The following MAP1S variants were observed in gnomAD, a reference collection of about 807,000 sequenced individuals.
MAP1S encodes the protein microtubule-associated protein 1S.
Under a neutral mutation model 60.9 loss-of-function variants are expected in MAP1S, and 27 were observed. The ratio of observed to expected loss-of-function variants is 0.44; its 90% CI spans 0.33 to 0.61. The LOEUF (loss-of-function observed/expected upper bound fraction) is 0.61. Ranked by LOEUF, MAP1S falls within the 20% of genes least tolerant of loss-of-function variation. The pLI, the probability that MAP1S is intolerant of heterozygous loss-of-function variation, is 0.03. For missense variants in MAP1S, 1,608 were observed against 1,486.6 expected (o/e 1.08, Z -1.34); for synonymous variants, 826 against 694.2 (o/e 1.19, Z -2.98).
In MAP1S at chr19:17,733,184, C is replaced by T. The variant is rs764409930; in HGVS notation, c.2789-9C>T. ...GCTCATCCCTGCCTCCCCATCCCCC[C>T]GCCCGCAGGGTCAGCCAGCAGCCGG... On this transcript the variant is annotated splice_polypyrimidine_tract_variant and intron_variant, in intron 5 of 6. Coordinates refer to ENST00000324096, the MANE Select transcript of MAP1S (RefSeq NM_018174.6). 80 of 1,522,508 alleles carry T rather than the reference C, an allele frequency of 5.3e-5. No individual in the cohort carries two copies. In the East Asian group the frequency reaches 7.6e-4, roughly 15 times the overall value. 94.3% of individuals were successfully genotyped at this position (1,522,508 alleles called of 1,614,324 possible).
Position 17,728,179 on chromosome 19 carries a change from A to T in MAP1S, c.2788+7A>T. The T allele has an allele frequency of 6.4e-7, 1 of 1,565,438 alleles. No individual in the cohort carries two copies. Among genetic ancestry groups the T allele is most frequent in the Non-Finnish European group, 8.7e-7 (1 of 1,152,660 alleles). The stretch of plus-strand genomic sequence containing the variant: ...GCCACTCGAGGCCCGTCGGGTGAGT[A>T]CTGGAGCTGGGGCCCTGGGCTGGGT... On this transcript the variant is annotated splice_region_variant and intron_variant, in intron 5 of 6. Coordinates refer to ENST00000324096, the MANE Select transcript of MAP1S (RefSeq NM_018174.6).
Position 17,726,023 on chromosome 19 carries a change from C to T in MAP1S, c.639C>T (p.Tyr213=), listed in dbSNP as rs202224843. The T allele has an allele frequency of 3.0e-5, 48 of 1,612,832 alleles. No individual in the cohort carries two copies. Among genetic ancestry groups the T allele is most frequent in the Middle Eastern group, 3.3e-4 (2 of 6,076 alleles). The change falls in exon 5 of 7, where the codon TAC becomes TAT. Residue 213 remains tyrosine (Y), a synonymous_variant. Transcript: ENST00000324096. ...AGGGCCTGTGCGAATTCCTGGAGTA[C>T]GTGGCTGAGTCTCTGGAGCCACCGT... ...NSEGLCEFLE[Y]VAESLEPPSP...
chr19:17,726,510 C>A lies in MAP1S; in HGVS notation c.1126C>A (p.Pro376Thr). ...GITPLPLSRG[P>T]VPAKPTVLFE... The stretch of plus-strand genomic sequence containing the variant: ...CACGCCTCTGCCACTCAGCCGCGGC[C>A]CCGTGCCAGCCAAACCCACCGTGCT... The change falls in exon 5 of 7, where the codon CCC (proline) becomes ACC (threonine). Residue 376 changes from proline (P) to threonine (T), a missense_variant. Physicochemically the swap from Pro to Thr is conservative, Grantham distance 38. This residue lies in a region of MAP1S where 1,167 missense variants were observed against 961.4 expected (regional missense o/e 1.21). Transcript: ENST00000324096. The A allele has an allele frequency of 3.9e-6, 6 of 1,552,846 alleles. No individual in the cohort carries two copies. The highest frequency in any genetic ancestry group is 5.2e-6 in the Non-Finnish European group (6 of 1,153,456).
At chr19:17,719,868 A>G in intron 1 of MAP1S, 1 of 160,780 alleles carries the variant, frequency 6.2e-6, no homozygotes, top group Non-Finnish European at 1.3e-5. Context: ...GCCCCGCCCC[A>G]ACTCCGGGTG....
rs1288815453 is a variant in MAP1S at position 17,734,357 on chromosome 19, A to G, written c.3109A>G (p.Thr1037Ala). 6.2e-7 allele frequency: 1 copy of G among 1,613,822 alleles called. No homozygotes were observed. The highest frequency in any genetic ancestry group is 8.5e-7 in the Non-Finnish European group (1 of 1,179,984). ...CGCCCGGCACCAGGCGCTGGGCATC[A>G]CGGTGTTGGGCAGCAACAGCATGGT... ...THARHQALGI[T>A]VLGSNSMVSM... The change falls in exon 7 of 7, where the codon ACG (threonine) becomes GCG (alanine). Residue 1037 changes from threonine (T) to alanine (A), a missense_variant. Coordinates refer to ENST00000324096, the MANE Select transcript of MAP1S (RefSeq NM_018174.6).
In MAP1S at chr19:17,727,801, CG is replaced by C. The variant is rs1568294697; in HGVS notation, c.2419del (p.Ala807GlnfsTer203). The C allele has an allele frequency of 6.2e-7, 1 of 1,612,224 alleles. No homozygotes were observed. On this transcript the variant is annotated frameshift_variant, in exon 5 of 7. Transcript: ENST00000324096. LOFTEE classifies it high-confidence loss of function. The surrounding 1 kb of genome is among the most constrained non-coding windows in gnomAD (Gnocchi z 4.1). ...DSDPVPLAPG[A>X]ADSDEDTEGF... ...GATCCCGTGCCCCTGGCCCCCGGTG[CG>C]GCAGACTCAGACGAAGACACAGAGG...
chr19:17,724,486 A>G (rs977475601), intron 3 of MAP1S, among the ~76,000 whole-genome samples: 6 of 152,134 alleles, frequency 3.9e-5, no homozygotes, highest in Non-Finnish European at 2.9e-5. Flanking sequence ...GGAAGGCCAG[A>G]GCAGACAGGT....
Position 17,727,243 on chromosome 19 carries a change from A to G in MAP1S, c.1859A>G (p.Glu620Gly). ...SLELGPIPAG[E>G]EKALELPLAA... is the part of the protein sequence containing the mutation. ...GAGCTGGGGCCGATCCCAGCCGGGG[A>G]GGAGAAGGCACTGGAGCTGCCTTTG... The change falls in exon 5 of 7, where the codon GAG (glutamate) becomes GGG (glycine). Residue 620 changes from glutamate (E) to glycine (G), a missense_variant. Glu to Gly is a moderately conservative substitution (Grantham distance 98, BLOSUM62 -2). This residue lies in a region of MAP1S where 1,167 missense variants were observed against 961.4 expected (regional missense o/e 1.21). Transcript: ENST00000324096. The surrounding 1 kb of genome is among the most constrained non-coding windows in gnomAD (Gnocchi z 4.1). 1 of 1,569,232 alleles carries G rather than the reference A, an allele frequency of 6.4e-7. No homozygotes were observed.
At chr19:17,723,320 G>A (rs1398370195) in intron 2 of MAP1S, among the ~76,000 whole-genome samples, 2 of 152,156 alleles carry the variant, frequency 1.3e-5, no homozygotes, top group African/African-American at 2.4e-5. Context: ...GCCGAGGCAG[G>A]CGGATCACCT....
chr19:17,727,873 T>G lies in MAP1S; in HGVS notation c.2489T>G (p.Val830Gly). The change falls in exon 5 of 7, where the codon GTC becomes GGC. Residue 830 changes from valine (V) to glycine (G), a missense_variant. Physicochemically the swap from Val to Gly is moderately radical, Grantham distance 109 (BLOSUM62 -3). Around this residue, in one of 4 missense-constraint regions of MAP1S, gnomAD observed 1,167 missense variants for 961.4 expected, o/e 1.21. Transcript: ENST00000324096. This position sits in a 1 kb window ranked among gnomAD's most constrained non-coding sequence, Gnocchi z 4.1. ...RHDPLPDPLK[V>G]PPPLPDPSSI... is the part of the protein sequence containing the mutation. ...GACCCTTTGCCTGACCCCCTCAAGG[T>G]CCCCCCACCACTGCCTGACCCATCC... The G allele has an allele frequency of 6.2e-7, 1 of 1,609,598 alleles. No individual in the cohort carries two copies. Among genetic ancestry groups the G allele is most frequent in the Non-Finnish European group, 8.5e-7 (1 of 1,178,656 alleles).
At position 17,727,315 on chromosome 19, in the gene MAP1S, A is replaced by T; in HGVS notation, c.1931A>T (p.His644Leu). 1 of 1,591,452 alleles carries T rather than the reference A, an allele frequency of 6.3e-7. No homozygotes were observed. Among genetic ancestry groups the T allele is most frequent in the Admixed American group, 1.7e-5 (1 of 57,882 alleles). The stretch of plus-strand genomic sequence containing the variant: ...CCACGCACACCCTCCCCTGAGTCCC[A>T]CCGGAGCCCCGCAGAGGGCAGCGAG... ...PRPRTPSPES[H>L]RSPAEGSERL... The change falls in exon 5 of 7, where the codon CAC becomes CTC. Residue 644 changes from histidine to leucine, a missense_variant. Transcript: ENST00000324096. The surrounding 1 kb of genome is among the most constrained non-coding windows in gnomAD (Gnocchi z 4.1).
In MAP1S at chr19:17,727,093, ACT is replaced by A. The variant is rs1291292003; in HGVS notation, c.1712_1713del (p.Ser571TrpfsTer71). 6.2e-7 allele frequency: 1 copy of A among 1,600,432 alleles called. No homozygotes were observed. Among genetic ancestry groups the A allele is most frequent in the Admixed American group, 1.7e-5 (1 of 59,212 alleles). On this transcript the variant is annotated frameshift_variant, in exon 5 of 7. Coordinates refer to ENST00000324096, the MANE Select transcript of MAP1S (RefSeq NM_018174.6). LOFTEE classifies it high-confidence loss of function. The surrounding 1 kb of genome is among the most constrained non-coding windows in gnomAD (Gnocchi z 4.1). ...CCCCGCAAAGCGCCCAGCACGTCCC[ACT>A]CTGGCTTCCCGCCGGTGGCAAATGG...
At chr19:17,720,220 A>G (rs1599450439) in intron 1 of MAP1S, 1 of 1,369,610 alleles carries the variant, frequency 7.3e-7, no homozygotes, top group Non-Finnish European at 9.4e-7. Flanking sequence ...GGCGGGCGTG[A>G]TGCGCCCGTG....
intron 5 of MAP1S, among the ~76,000 whole-genome samples, chr19:17,731,100 G>A (rs1274937395): frequency 6.6e-6 from 1 of 151,870 alleles, no homozygotes; most frequent in African/African-American, 2.4e-5. Context: ...TCACCACGTT[G>A]GCCAGGCTGG....
chr19:17,719,489 G>C lies in MAP1S; in HGVS notation c.-14G>C. 2.4e-6 allele frequency: 3 copies of C among 1,241,528 alleles called. No individual in the cohort carries two copies. Among genetic ancestry groups the C allele is most frequent in the South Asian group, 8.2e-5 (2 of 24,316 alleles). The allele number at this position is 1,241,528 out of a possible 1,614,324, so 76.9% of individuals were successfully genotyped here. A position where few individuals can be genotyped will look rare whatever the true frequency, so the allele number is the denominator to read the frequency against. On this transcript the variant is annotated 5_prime_UTR_variant, in exon 1 of 7. Coordinates refer to ENST00000324096, the MANE Select transcript of MAP1S (RefSeq NM_018174.6). ...CTGCGGGGCGGGCGCCGAGAACGCC[G>C]GGGCGGCCCGAAGATGGCGGCGGTG...
Position 17,725,900 on chromosome 19 carries a change from C to T in MAP1S, c.516C>T (p.Phe172=), listed in dbSNP as rs147197835. Residue 172 remains phenylalanine (F), a synonymous_variant, in exon 5 of 7, where the codon TTC becomes TTT. Transcript: ENST00000324096. The surrounding 1 kb of genome is among the most constrained non-coding windows in gnomAD (Gnocchi z 4.2). ...PPILTITCPT[F]GDWAQLAPAV... is the part of the protein sequence containing the mutation. ...TACTCACCATCACCTGCCCCACCTT[C>T]GGTGACTGGGCTCAGCTGGCACCCG... 365 of 1,613,698 alleles carry T rather than the reference C, an allele frequency of 2.3e-4. No homozygotes were observed. The highest frequency in any genetic ancestry group is 2.8e-4 in the Non-Finnish European group (331 of 1,179,998).
chr19:17,719,862 C>T (rs527911854), intron 1 of MAP1S: 282 of 160,532 alleles, frequency 1.8e-3, no homozygotes, highest in Non-Finnish European at 3.2e-3. Context: ...AGGGCTGCCC[C>T]GCCCCAACTC....
In MAP1S at chr19:17,734,299, G is replaced by A. The variant is rs1216974104; in HGVS notation, c.3051G>A (p.Ser1017=). Residue 1017 remains serine (S), a synonymous_variant, in exon 7 of 7, where the codon TCG becomes TCA. Coordinates refer to ENST00000324096, the MANE Select transcript of MAP1S (RefSeq NM_018174.6). Reference sequence around the variant, plus strand: ...TGACCCTGATCCCCACTTTCGACTCGGTGGCCATGCATACGTGGTACGCAG... The same window carrying A: ...TGACCCTGATCCCCACTTTCGACTCAGTGGCCATGCATACGTGGTACGCAG... ...LQVTLIPTFD[S]VAMHTWYAET... is the part of the protein sequence containing the mutation. The A allele has an allele frequency of 1.2e-5, 19 of 1,612,918 alleles. No homozygotes were observed. The highest frequency in any genetic ancestry group is 2.2e-5 in the East Asian group (1 of 44,814).
rs1345612640 is a variant in MAP1S at position 17,726,809 on chromosome 19, C to T, written c.1425C>T (p.Ser475=). The T allele has an allele frequency of 9.0e-6, 14 of 1,556,852 alleles. No individual in the cohort carries two copies. The highest frequency in any genetic ancestry group is 1.4e-5 in the African/African-American group (1 of 73,360). Residue 475 remains serine (S), a synonymous_variant, in exon 5 of 7, where the codon AGC becomes AGT. Transcript: ENST00000324096. The part of the protein sequence containing the change: ...EGPGRAESKE[S]VGSRDSSKRE... ...CGGGGCGAGCCGAGAGCAAAGAGAGCGTGGGCTCCCGGGACAGCTCGAAGA... is the reference window on the plus strand; with the variant it reads ...CGGGGCGAGCCGAGAGCAAAGAGAGTGTGGGCTCCCGGGACAGCTCGAAGA...
Sources: allele counts gnomAD v4.1 joint callset (sites outside exome capture counted in the v4.1 genomes callset), GRCh38; gene constraint gnomAD v4.1.1; regional missense constraint gnomAD v4.1.1; non-coding constraint Gnocchi (gnomAD v3.1); transcripts MANE v1.5; gene names NCBI Gene and HGNC (gene_info 2026-07-23, HGNC 2026-07-21).